The following CA1 variants were observed in gnomAD, a reference collection of about 807,000 sequenced individuals.
The protein encoded by CA1 is carbonate dehydratase I.
In CA1, 27 loss-of-function variants were observed where a neutral mutation model predicts 28.8. That is an observed-to-expected ratio of 0.94 (90% CI 0.69 to 1.29). The LOEUF is 1.29. Ranked by LOEUF, CA1 falls within the 50% of genes most tolerant of loss-of-function variation. The pLI is 0.00. For missense variants in CA1, 335 were observed against 310.5 expected (o/e 1.08, Z -0.59); for synonymous variants, 121 against 108.8 (o/e 1.11, Z -0.70).
At chr8:85,332,374 G>A in intron 6 of CA1, 116 bp downstream of exon 6, 1 of 783,714 alleles carries the variant, frequency 1.3e-6, no homozygotes, top group Admixed American at 2.0e-5. Flanking sequence ...TTGATTTTCA[G>A]TTGGTAGCTT....
chr8:85,376,057 A>AT (rs1235148439), intron 1 of CA1, among the ~76,000 whole-genome samples: 1 of 152,218 alleles, frequency 6.6e-6, no homozygotes, highest in East Asian at 1.9e-4. Flanking sequence ...GAAGCTGGGC[A>AT]TGGTGGCTCA....
At position 85,371,763 on chromosome 8, in the gene CA1, G is replaced by T. The variant is rs564140177; in HGVS notation, c.-25+6283C>A. On this transcript the variant is annotated intron_variant, in intron 1 of 7. Transcript: ENST00000523022. ...AGATTTTACTGTGTTGATAAAGACT[G>T]GATTGCACTCAGTGAATTACAGAGC... 3.0e-4 allele frequency among the ~76,000 whole-genome samples: 46 copies of T among 152,280 alleles called. 2 individuals are homozygous for T. The South Asian group carries it at 9.1e-3, about 30-fold the overall frequency.
At chr8:85,334,050 TCGTGCC>T (rs1213062908) in intron 4 of CA1, among the ~76,000 whole-genome samples, 1 of 152,230 alleles carries the variant, frequency 6.6e-6, no homozygotes, top group African/African-American at 2.4e-5. Context: ...TCAGGCACGT[TCGTGCC>T]CTTTCCAAAC....
intron 1 of CA1, among the ~76,000 whole-genome samples, chr8:85,369,697 C>G (rs753996248): frequency 1.6e-4 from 25 of 152,082 alleles, no homozygotes; most frequent in Non-Finnish European, 2.9e-4. Context: ...GAACAGGGTT[C>G]TCTTTTAAAA....
intron 1 of CA1, among the ~76,000 whole-genome samples, chr8:85,343,395 C>T (rs1469877356): frequency 6.6e-6 from 1 of 152,154 alleles, no homozygotes; most frequent in Non-Finnish European, 1.5e-5. Context: ...GCTTAGCCTT[C>T]CACTGTCAAC....
chr8:85,369,010 G>T (rs1454837107), intron 1 of CA1, among the ~76,000 whole-genome samples: 1 of 152,136 alleles, frequency 6.6e-6, no homozygotes, highest in Admixed American at 6.5e-5. Flanking sequence ...TTTGAAGGCT[G>T]TAGCTCAGTG....
chr8:85,354,465 T>G (rs547907223), intron 1 of CA1, among the ~76,000 whole-genome samples: 1 of 152,254 alleles, frequency 6.6e-6, no homozygotes, highest in Non-Finnish European at 1.5e-5. Context: ...AGACAAAATC[T>G]TGTTGGGATG....
intron 1 of CA1, among the ~76,000 whole-genome samples, chr8:85,366,002 C>T (rs1049400430): frequency 6.6e-6 from 1 of 152,138 alleles, no homozygotes; most frequent in African/African-American, 2.4e-5. Flanking sequence ...CAGTAGATGT[C>T]TCTCAGTCTT....
At chr8:85,351,552 G>C (rs1311929974) in intron 1 of CA1, among the ~76,000 whole-genome samples, 2 of 152,200 alleles carry the variant, frequency 1.3e-5, no homozygotes, top group Non-Finnish European at 2.9e-5. Context: ...AGTGGGGAAA[G>C]AAATGCCAGC....
chr8:85,356,924 C>T (rs1013659697), intron 1 of CA1, among the ~76,000 whole-genome samples: 3 of 152,314 alleles, frequency 2.0e-5, no homozygotes, highest in South Asian at 4.1e-4. Context: ...TACAGAATCC[C>T]AGTTGCACAC....
At chr8:85,341,352 G>A (rs1285473149) in intron 2 of CA1, 1 of 361,718 alleles carries the variant, frequency 2.8e-6, no homozygotes, top group African/African-American at 2.1e-5. Flanking sequence ...TTAATGATAG[G>A]GGTCTGAAAC....
At chr8:85,345,064 A>G (rs1809124978) in intron 1 of CA1, among the ~76,000 whole-genome samples, 1 of 152,178 alleles carries the variant, frequency 6.6e-6, no homozygotes, top group South Asian at 2.1e-4. Context: ...CTGCATTGAG[A>G]CAACTAGAAA....
In CA1 at chr8:85,362,995, G is replaced by T. The variant is rs551440041; in HGVS notation, c.-25+15051C>A. ...CAGTTCCCTTGTGGCACAATAGCAC[G>T]AAAGAAAGTCAGGGTAATGTGAGTT... On this transcript the variant is annotated intron_variant, in intron 1 of 7. Transcript: ENST00000523022. Among the ~76,000 whole-genome samples, 18 of 152,302 alleles carry T rather than the reference G, an allele frequency of 1.2e-4. No individual in the cohort carries two copies. The South Asian group carries it at 1.9e-3, about 16-fold the overall frequency.
intron 1 of CA1, among the ~76,000 whole-genome samples, chr8:85,371,712 G>A (rs1462202935): frequency 6.6e-6 from 1 of 152,138 alleles, no homozygotes; most frequent in Non-Finnish European, 1.5e-5. Context: ...CGTGAGTGAA[G>A]CTACTTTAGA....
At chr8:85,333,017 G>A (rs935354152) in intron 5 of CA1, among the ~76,000 whole-genome samples, 3 of 152,062 alleles carry the variant, frequency 2.0e-5, no homozygotes, top group African/African-American at 2.4e-5. Context: ...GAACTTTTCA[G>A]GGATTCTTCT....
intron 1 of CA1, among the ~76,000 whole-genome samples, chr8:85,370,849 G>A (rs1194758412): frequency 6.6e-6 from 1 of 152,062 alleles, no homozygotes; most frequent in Non-Finnish European, 1.5e-5. Flanking sequence ...ACACAAAATA[G>A]GTTAAAATAT....
At position 85,329,810 on chromosome 8, in the gene CA1, G is replaced by A. The variant is rs569050440; in HGVS notation, c.548C>T (p.Ser183Phe). Residue 183 changes from serine to phenylalanine, a missense_variant, in exon 7 of 8, where the codon TCT (serine) becomes TTT (phenylalanine). Ser to Phe is a radical substitution (Grantham distance 155, BLOSUM62 -2). Coordinates refer to ENST00000523022, the MANE Select transcript of CA1 (RefSeq NM_001128831.4). ...ATCCAGGGATGAAGGAAGGAGAGTA[G>A]AGGGGTCAAAATTTGTGAATGGGGC... is the stretch of plus-strand genomic sequence containing the variant. Reference protein sequence around the residue: ...KRAPFTNFDPSTLLPSSLDFW... With the variant: ...KRAPFTNFDPFTLLPSSLDFW... 6.2e-7 allele frequency: 1 copy of A among 1,600,102 alleles called. No individual in the cohort carries two copies. Among genetic ancestry groups the A allele is most frequent in the African/African-American group, 1.3e-5 (1 of 74,740 alleles).
At position 85,361,293 on chromosome 8, in the gene CA1, A is replaced by C. The variant is rs1809785565; in HGVS notation, c.-25+16753T>G. Among the ~76,000 whole-genome samples, 4 of 152,318 alleles carry C rather than the reference A, an allele frequency of 2.6e-5. No individual in the cohort carries two copies. The South Asian group carries it at 6.2e-4, about 24-fold the overall frequency. ...GACTCCTCCAAATCATCAAATAATG[A>C]GTTCATGAAGACCACCAGATACCCA... On this transcript the variant is annotated intron_variant, in intron 1 of 7. Transcript: ENST00000523022.
chr8:85,346,205 G>A (rs901538665), intron 1 of CA1, among the ~76,000 whole-genome samples: 8 of 151,956 alleles, frequency 5.3e-5, no homozygotes, highest in Non-Finnish European at 1.0e-4. Flanking sequence ...GAAATTACTG[G>A]CTAGAAAGAC....
Sources: gnomAD v4.1 joint callset for allele counts (sites outside exome capture counted in the v4.1 genomes callset) on GRCh38, gnomAD v4.1.1 for gene constraint, MANE v1.5 for transcripts, NCBI Gene and HGNC (gene_info 2026-07-23, HGNC 2026-07-21) for gene names.